The following GPM6B variants were observed in gnomAD, a reference collection of about 807,000 sequenced individuals.
GPM6B encodes glycoprotein M6B.
In GPM6B, 4 loss-of-function variants were observed where a neutral mutation model predicts 27.2. The ratio of observed to expected loss-of-function variants is 0.15; its 90% CI spans 0.07 to 0.34. GPM6B has a LOEUF of 0.34. GPM6B is among the 10% of genes least tolerant of loss of function. The pLI, the probability that GPM6B is intolerant of heterozygous loss-of-function variation, is 1.00. For synonymous variants in GPM6B, 124 were observed against 103.1 expected (o/e 1.20, Z -1.23); for missense variants, 183 against 261.9 (o/e 0.70, Z 2.08).
At chrX:13,829,859 ATTTTTT>A (rs34742721) in intron 1 of GPM6B, among the ~76,000 whole-genome samples, 5 of 88,448 alleles carry the variant, frequency 5.7e-5, no homozygotes, top group Non-Finnish European at 9.0e-5. Flanking sequence ...TCTGTCCTGA[ATTTTTT>A]TTTTTTTTTT....
chrX:13,839,049 C>G (rs1192859359), intron 1 of GPM6B, among the ~76,000 whole-genome samples: 1 of 111,583 alleles, frequency 9.0e-6, no homozygotes, highest in Non-Finnish European at 1.9e-5. Context: ...ACGGACCAAA[C>G]AGAATATTTG....
chrX:13,772,877 A>G lies in GPM6B; in HGVS notation c.*4T>C. On this transcript the variant is annotated 3_prime_UTR_variant, in exon 8 of 8. Transcript: ENST00000316715. ...TACGTCGGCCGAAACACTCTGGCAA[A>G]CATTTATGTGTAAGAATTGAGTTGT... The G allele has an allele frequency of 8.3e-7, 1 of 1,209,465 alleles. No individual in the cohort carries two copies. The highest frequency in any genetic ancestry group is 1.1e-6 in the Non-Finnish European group (1 of 893,971).
intron 1 of GPM6B, among the ~76,000 whole-genome samples, chrX:13,860,486 G>T: frequency 1.0e-5 from 1 of 99,125 alleles, no homozygotes; most frequent in Non-Finnish European, 2.0e-5. Flanking sequence ...AATAAGCTAT[G>T]CTGAAAACAC....
chrX:13,911,822 T>C (rs760551742), intron 1 of GPM6B, among the ~76,000 whole-genome samples: 3 of 112,299 alleles, frequency 2.7e-5, no homozygotes, highest in East Asian at 2.8e-4. Context: ...AGCTGGAATA[T>C]GTGACTCACA....
chrX:13,772,732 C>T lies in GPM6B; in HGVS notation c.*149G>A, dbSNP rs2048324001. 6.9e-6 allele frequency: 3 copies of T among 436,342 alleles called. No individual in the cohort carries two copies. The highest frequency in any genetic ancestry group is 1.1e-5 in the Non-Finnish European group (3 of 271,218). 36.0% of individuals were successfully genotyped at this position (436,342 alleles called of 1,213,427 possible). On this transcript the variant is annotated 3_prime_UTR_variant, in exon 8 of 8. Transcript: ENST00000316715. ...AAGATTTACCCACTGGAAGGTTTTC[C>T]TAGAGATACATCCCAGCAGCTTGAG...
intron 1 of GPM6B, among the ~76,000 whole-genome samples, chrX:13,928,387 C>T (rs1921312988): frequency 8.9e-6 from 1 of 112,381 alleles, no homozygotes; most frequent in Non-Finnish European, 1.9e-5. Flanking sequence ...TACAAAACAT[C>T]TAAAAATATT....
At chrX:13,829,508 G>A (rs1036799840) in intron 1 of GPM6B, among the ~76,000 whole-genome samples, 1 of 111,432 alleles carries the variant, frequency 9.0e-6, no homozygotes, top group Non-Finnish European at 1.9e-5. Context: ...AAGACTAGCT[G>A]GTGATTTCAC....
Position 13,787,041 on chromosome X carries a change from C to CAAAAAAAAAAAAAAAAAAAAAAAAAAAAA in GPM6B, c.182-1234_182-1233insTTTTTTTTTTTTTTTTTTTTTTTTTTTTT, listed in dbSNP as rs869123073. Among the ~76,000 whole-genome samples, 3 of 24,510 alleles carry CAAAAAAAAAAAAAAAAAAAAAAAAAAAAA rather than the reference C, an allele frequency of 1.2e-4. 1 individual carries two copies. Among genetic ancestry groups the CAAAAAAAAAAAAAAAAAAAAAAAAAAAAA allele is most frequent in the African/African-American group, 6.2e-4 (3 of 4,878 alleles). 21.3% of individuals were successfully genotyped at this position (24,510 alleles called of 115,157 possible). A position where few individuals can be genotyped will look rare whatever the true frequency, so the allele number is the denominator to read the frequency against. Reference sequence around the variant, plus strand: ...CTTTAGGGCAAGCACATTAAGCCAGCAAAAAAAAAAAAAAAAAAAAAAAAA... The same window carrying CAAAAAAAAAAAAAAAAAAAAAAAAAAAAA: ...CTTTAGGGCAAGCACATTAAGCCAGCAAAAAAAAAAAAAAAAAAAAAAAAAAAAAAAAAAAAAAAAAAAAAAAAAAAAAA... On this transcript the variant is annotated intron_variant, in intron 2 of 7. Transcript: ENST00000316715.
chrX:13,890,115 G>A (rs969194069), intron 1 of GPM6B, among the ~76,000 whole-genome samples: 8 of 111,166 alleles, frequency 7.2e-5, no homozygotes, highest in South Asian at 3.8e-4. Flanking sequence ...ATACGAGGTC[G>A]GCACAAGATA....
intron 1 of GPM6B, among the ~76,000 whole-genome samples, chrX:13,812,222 T>G (rs1385294747): frequency 1.8e-5 from 2 of 108,392 alleles, no homozygotes; most frequent in Non-Finnish European, 3.8e-5. Flanking sequence ...GCTAATTTTG[T>G]TTTTGTATTT....
intron 1 of GPM6B, among the ~76,000 whole-genome samples, chrX:13,929,480 T>G (rs1356373670): frequency 1.8e-5 from 2 of 111,540 alleles, no homozygotes; most frequent in African/African-American, 6.5e-5. Flanking sequence ...GCATTCCTTT[T>G]GGAAAGAAAA....
chrX:13,787,041 C>CAAAA lies in GPM6B; in HGVS notation c.182-1237_182-1234dup, dbSNP rs869123073. 4.8e-3 allele frequency among the ~76,000 whole-genome samples: 117 copies of CAAAA among 24,505 alleles called. 18 individuals are homozygous for CAAAA. Among genetic ancestry groups the CAAAA allele is most frequent in the African/African-American group, 0.022 (105 of 4,881 alleles). The allele number at this position is 24,505 out of a possible 115,157, so 21.3% of individuals were successfully genotyped here. A position where few individuals can be genotyped will look rare whatever the true frequency, so the allele number is the denominator to read the frequency against. ...CTTTAGGGCAAGCACATTAAGCCAG[C>CAAAA]AAAAAAAAAAAAAAAAAAAAAAAAA... On this transcript the variant is annotated intron_variant, in intron 2 of 7. Coordinates refer to ENST00000316715, the MANE Select transcript of GPM6B (RefSeq NM_001001995.3).
chrX:13,781,442 C>T (rs1341536305), intron 4 of GPM6B, among the ~76,000 whole-genome samples: 2 of 112,090 alleles, frequency 1.8e-5, no homozygotes, highest in Non-Finnish European at 3.8e-5. Flanking sequence ...CACAATTTGC[C>T]CACAAGGAAA....
At chrX:13,826,117 A>G (rs2049368880) in intron 1 of GPM6B, among the ~76,000 whole-genome samples, 1 of 111,410 alleles carries the variant, frequency 9.0e-6, no homozygotes, top group African/African-American at 3.3e-5. Flanking sequence ...TAGCCCTAAG[A>G]AGGAGAAAGC....
At chrX:13,815,528 A>T (rs1242489589) in intron 1 of GPM6B, among the ~76,000 whole-genome samples, 2 of 109,707 alleles carry the variant, frequency 1.8e-5, no homozygotes, top group Non-Finnish European at 3.8e-5. Context: ...ATTTGGTAAG[A>T]GGATTGAACT....
intron 2 of GPM6B, among the ~76,000 whole-genome samples, chrX:13,795,503 T>C (rs1366575472): frequency 8.9e-6 from 1 of 111,825 alleles, no homozygotes; most frequent in Non-Finnish European, 1.9e-5. Context: ...TACCCCAAGA[T>C]GCCTCTGAAT....
At chrX:13,824,985 A>G (rs1337706945) in intron 1 of GPM6B, among the ~76,000 whole-genome samples, 1 of 111,623 alleles carries the variant, frequency 9.0e-6, no homozygotes, top group Non-Finnish European at 1.9e-5. Context: ...TGGCTTGCAG[A>G]TGCATCACTC....
chrX:13,781,421 C>T (rs772815269), intron 4 of GPM6B, among the ~76,000 whole-genome samples: 13 of 112,218 alleles, frequency 1.2e-4, no homozygotes, highest in Non-Finnish European at 1.9e-4. Context: ...GATAAAGCTA[C>T]ATACCTCCCT....
chrX:13,800,723 C>G (rs2048905925), intron 2 of GPM6B, among the ~76,000 whole-genome samples: 1 of 111,843 alleles, frequency 8.9e-6, no homozygotes, highest in Middle Eastern at 4.6e-3. Flanking sequence ...TTATGGCCTT[C>G]TATGTATATA....
Sources: gnomAD v4.1 joint callset for allele counts (sites outside exome capture counted in the v4.1 genomes callset) on GRCh38, gnomAD v4.1.1 for gene constraint, MANE v1.5 for transcripts, NCBI Gene and HGNC (gene_info 2026-07-23, HGNC 2026-07-21) for gene names.